Variants in IL1R2 observed in about 807,000 individuals in gnomAD.
The protein encoded by IL1R2 is interleukin 1 receptor type 2.
Under a neutral mutation model 39.5 loss-of-function variants are expected in IL1R2, and 46 were observed. The ratio of observed to expected loss-of-function variants is 1.16; its 90% CI spans 0.92 to 1.49. IL1R2 has a LOEUF of 1.49. IL1R2 is among the 40% of genes most tolerant of loss of function. The pLI is 0.00. For synonymous variants in IL1R2, 207 were observed against 189.6 expected, an observed-to-expected ratio of 1.09 and a Z score of -0.75; for missense variants, 537 against 502.0, an observed-to-expected ratio of 1.07 and a Z score of -0.67.
chr2:102,024,797 G>T, intron 7 of IL1R2, 129 bp downstream of exon 7: 1 of 1,182,416 alleles, frequency 8.5e-7, no homozygotes, highest in East Asian at 2.7e-5. Context: ...TGGATGTTTA[G>T]AATTTAAAAA....
chr2:101,994,084 G>A lies in IL1R2; in HGVS notation c.-62+2073G>A, dbSNP rs1332033916. On this transcript the variant is annotated intron_variant, in intron 1 of 8. Coordinates refer to ENST00000332549, the MANE Select transcript of IL1R2 (RefSeq NM_004633.4). Reference sequence around the variant, plus strand: ...AGTGCCTTTCTTCTAACCTCATTTAGAAGTTTGTCCATTTGGATTGTATTT... The same window carrying A: ...AGTGCCTTTCTTCTAACCTCATTTAAAAGTTTGTCCATTTGGATTGTATTT... Among the ~76,000 whole-genome samples, 5 of 152,188 alleles carry A rather than the reference G, an allele frequency of 3.3e-5. No homozygotes were observed. The East Asian group carries it at 5.8e-4, about 18-fold the overall frequency.
Position 102,024,683 on chromosome 2 carries a change from G to A in IL1R2, c.887+15G>A, listed in dbSNP as rs1374424023. On this transcript the variant is annotated intron_variant, in intron 7 of 8. Transcript: ENST00000332549. ...GGGCCACGCCAGTAAGTGGGCCAGG[G>A]TCTTCTGTTGAGAACTCTGTGGGTT... The A allele has an allele frequency of 1.9e-6, 3 of 1,614,098 alleles. No homozygotes were observed. The highest frequency in any genetic ancestry group is 2.5e-6 in the Non-Finnish European group (3 of 1,179,990).
intron 3 of IL1R2, among the ~76,000 whole-genome samples, chr2:102,013,554 G>GAAAAAAAAAAAA (rs1577711343): frequency 1.9e-4 from 6 of 31,646 alleles, no homozygotes; most frequent in Non-Finnish European, 2.9e-4. Context: ...AAAAAAAAAG[G>GAAAAAAAAAAAA]AAAGAAAGAA....
intron 1 of IL1R2, among the ~76,000 whole-genome samples, chr2:101,997,728 T>G (rs1373207281): frequency 6.6e-6 from 1 of 152,220 alleles, no homozygotes; most frequent in Non-Finnish European, 1.5e-5. Flanking sequence ...TCCATTCTTC[T>G]TTAGTGCCCC....
At chr2:102,020,392 A>G (rs1677302311) in intron 5 of IL1R2, among the ~76,000 whole-genome samples, 1 of 152,166 alleles carries the variant, frequency 6.6e-6, no homozygotes, top group African/African-American at 2.4e-5. Context: ...CATTTGTTCA[A>G]CATTTACTCC....
At chr2:101,999,332 C>T (rs1332059427) in intron 1 of IL1R2, among the ~76,000 whole-genome samples, 1 of 152,224 alleles carries the variant, frequency 6.6e-6, no homozygotes, top group Non-Finnish European at 1.5e-5. Context: ...TGTTAACAAC[C>T]AACCGCTGCT....
At chr2:102,007,027 C>T (rs1295143282) in intron 1 of IL1R2, among the ~76,000 whole-genome samples, 1 of 152,200 alleles carries the variant, frequency 6.6e-6, no homozygotes, top group Non-Finnish European at 1.5e-5. Flanking sequence ...CAGGCCTAAC[C>T]CTGCCAAGTT....
At chr2:102,003,831 G>A (rs1676082646) in intron 1 of IL1R2, among the ~76,000 whole-genome samples, 1 of 144,680 alleles carries the variant, frequency 6.9e-6, no homozygotes, top group Admixed American at 6.8e-5. Context: ...GTCTGTGTCT[G>A]TGTCTGTGTC....
intron 1 of IL1R2, among the ~76,000 whole-genome samples, chr2:102,005,360 A>C (rs1394235107): frequency 6.6e-6 from 1 of 152,228 alleles, no homozygotes; most frequent in Non-Finnish European, 1.5e-5. Context: ...GAAGACTGTG[A>C]GAACACAATG....
chr2:101,993,996 C>A (rs534539596), intron 1 of IL1R2, among the ~76,000 whole-genome samples: 1 of 152,340 alleles, frequency 6.6e-6, no homozygotes, highest in East Asian at 1.9e-4. Context: ...TCTGCCCTCC[C>A]AAGGCCAGTG....
intron 7 of IL1R2, among the ~76,000 whole-genome samples, chr2:102,025,895 C>T (rs369024526): frequency 8.5e-5 from 13 of 152,164 alleles, no homozygotes; most frequent in African/African-American, 3.1e-4. Context: ...TGCCAGTGAC[C>T]GCCAACTTCA....
At chr2:102,021,323 G>GTTTTTTT (rs1677382696) in intron 5 of IL1R2, among the ~76,000 whole-genome samples, 1 of 62,396 alleles carries the variant, frequency 1.6e-5, no homozygotes, top group Non-Finnish European at 3.2e-5. Flanking sequence ...TTTTTTTTTT[G>GTTTTTTT]GTTTTTTTTT....
chr2:102,024,032 G>C (rs1366199036), intron 6 of IL1R2, among the ~76,000 whole-genome samples: 12 of 146,232 alleles, frequency 8.2e-5, no homozygotes, highest in Admixed American at 8.1e-4. Flanking sequence ...CTGGGCGACA[G>C]AGCGAGACTC....
In IL1R2 at chr2:101,994,862, AG is replaced by A. The variant is rs1269620692; in HGVS notation, c.-62+2853del. Among the ~76,000 whole-genome samples, 8 of 152,354 alleles carry A rather than the reference AG, an allele frequency of 5.3e-5. No individual in the cohort carries two copies. The East Asian group carries it at 1.2e-3, about 22-fold the overall frequency. ...GAAAGGATTTAGAAAGTCTGGGAAGAGGTCTTCTTATTTGGGGGCAAGGAAG... is the reference window on the plus strand; with the variant it reads ...GAAAGGATTTAGAAAGTCTGGGAAGAGTCTTCTTATTTGGGGGCAAGGAAG... On this transcript the variant is annotated intron_variant, in intron 1 of 8. Coordinates refer to ENST00000332549, the MANE Select transcript of IL1R2 (RefSeq NM_004633.4).
At chr2:102,024,047 T>TAAAAAAA (rs1677567812) in intron 6 of IL1R2, among the ~76,000 whole-genome samples, 1 of 95,548 alleles carries the variant, frequency 1.0e-5, no homozygotes, top group African/African-American at 6.1e-5. Context: ...AGACTCCATC[T>TAAAAAAA]CAAAAACAAA....
intron 1 of IL1R2, among the ~76,000 whole-genome samples, chr2:101,997,064 A>G (rs1675626295): frequency 6.6e-6 from 1 of 152,088 alleles, no homozygotes; most frequent in African/African-American, 2.4e-5. Flanking sequence ...GAAGAGGGGG[A>G]CATTGTGTCC....
chr2:102,022,529 G>T (rs28362313), intron 6 of IL1R2, among the ~76,000 whole-genome samples: 2 of 152,214 alleles, frequency 1.3e-5, no homozygotes, highest in African/African-American at 2.4e-5. Context: ...AAATCTGAAC[G>T]TTCTGGCAGC....
intron 3 of IL1R2, 52 bp downstream of exon 3, chr2:102,009,878 T>C: frequency 6.3e-7 from 1 of 1,581,116 alleles, no homozygotes; most frequent in Non-Finnish European, 8.7e-7. Flanking sequence ...GATGGAGGCT[T>C]GTGAGGGTCT....
At chr2:102,002,792 G>GTTTA (rs1559412988) in intron 1 of IL1R2, among the ~76,000 whole-genome samples, 4 of 1,306 alleles carry the variant, frequency 3.1e-3, no homozygotes, top group African/African-American at 5.1e-3. Flanking sequence ...ATCTATATCT[G>GTTTA]TATCTATATC....
Sources: allele counts gnomAD v4.1 joint callset (sites outside exome capture counted in the v4.1 genomes callset), GRCh38; gene constraint gnomAD v4.1.1; transcripts MANE v1.5; gene names NCBI Gene and HGNC (gene_info 2026-07-23, HGNC 2026-07-21).